Variants in ABCB4 observed in about 807,000 individuals in gnomAD.
The protein encoded by ABCB4 is ATP binding cassette subfamily B member 4.
In ABCB4, 76 loss-of-function variants were observed where a neutral mutation model predicts 145.7. That is an observed-to-expected ratio of 0.52 (90% CI 0.43 to 0.63). The LOEUF is 0.63. ABCB4 is among the 30% of genes least tolerant of loss of function. The pLI is 0.00. For synonymous variants in ABCB4, 517 were observed against 566.8 expected (o/e 0.91, Z 1.25); for missense variants, 1,234 against 1,553.1 (o/e 0.79, Z 3.45).
rs183292074 is a variant in ABCB4 at position 87,449,953 on chromosome 7, A to C, written c.833+15T>G. 4.9e-5 allele frequency: 79 copies of C among 1,614,000 alleles called. No individual in the cohort carries two copies. The highest frequency in any genetic ancestry group is 2.5e-6 in the Non-Finnish European group (3 of 1,179,994). On this transcript the variant is annotated intron_variant, in intron 8 of 27. Transcript: ENST00000649586. ...AACACATTCCTTAAACCAGTGGCTAAAGAACCTTCCTGACCTTTCCAGCTC... is the reference window on the plus strand; with the variant it reads ...AACACATTCCTTAAACCAGTGGCTACAGAACCTTCCTGACCTTTCCAGCTC...
chr7:87,465,506 C>A (rs1012598204), intron 3 of ABCB4, among the ~76,000 whole-genome samples: 7 of 152,312 alleles, frequency 4.6e-5, no homozygotes, highest in African/African-American at 1.7e-4. Flanking sequence ...GCAGCAGAAA[C>A]CTCTGCAGAC....
intron 6 of ABCB4, chr7:87,452,456 A>G (rs1375802098): frequency 6.4e-6 from 1 of 157,360 alleles, no homozygotes; most frequent in African/African-American, 2.6e-5. Flanking sequence ...TTTATCATCT[A>G]TCTCCCTCTA....
intron 3 of ABCB4, among the ~76,000 whole-genome samples, chr7:87,469,727 AC>A (rs1813223481): frequency 6.6e-6 from 1 of 152,220 alleles, no homozygotes; most frequent in African/African-American, 2.4e-5. Context: ...GAGGACACAA[AC>A]AAATGGAAGA....
At chr7:87,412,127 G>T in intron 22 of ABCB4, 94 bp from the exon 23 acceptor site, 1 of 1,400,848 alleles carries the variant, frequency 7.1e-7, no homozygotes, top group Non-Finnish European at 1.0e-6. Context: ...TGGCCGAGTG[G>T]GTTTAAGTTC....
At chr7:87,442,129 A>G (rs1006093601) in intron 12 of ABCB4, among the ~76,000 whole-genome samples, 4 of 152,098 alleles carry the variant, frequency 2.6e-5, no homozygotes, top group African/African-American at 9.7e-5. Context: ...TTCAATAATA[A>G]TTTAATTCTC....
At chr7:87,416,874 T>C (rs1809010647) in intron 21 of ABCB4, among the ~76,000 whole-genome samples, 1 of 152,358 alleles carries the variant, frequency 6.6e-6, no homozygotes, top group South Asian at 2.1e-4. Flanking sequence ...ATTGAGGCAT[T>C]ACTGCCATCT....
chr7:87,382,336 C>G, the ABCB4 span: 134 of 1,478,020 alleles, frequency 9.1e-5, 1 homozygote, highest in South Asian at 8.6e-4. Flanking sequence ...TACTTTAATG[C>G]AGGTGATAAT....
chr7:87,464,418 A>G (rs528699810), intron 3 of ABCB4, among the ~76,000 whole-genome samples: 90 of 152,316 alleles, frequency 5.9e-4, no homozygotes, highest in Middle Eastern at 3.4e-3. Context: ...AATTGTCACA[A>G]AGGGACCAGT....
At chr7:87,437,974 T>C (rs1199899925) in intron 14 of ABCB4, among the ~76,000 whole-genome samples, 1 of 152,220 alleles carries the variant, frequency 6.6e-6, no homozygotes, top group African/African-American at 2.4e-5. Flanking sequence ...TCCAAATACG[T>C]ACTAAAACTT....
At chr7:87,451,943 C>A in intron 6 of ABCB4, 149 bp from the exon 7 acceptor site, 1 of 730,176 alleles carries the variant, frequency 1.4e-6, no homozygotes, top group Non-Finnish European at 2.4e-6. Context: ...ACATCTTCCC[C>A]ACCTAAACAC....
chr7:87,410,765 G>A (rs970006613), intron 23 of ABCB4, among the ~76,000 whole-genome samples: 16 of 152,118 alleles, frequency 1.1e-4, no homozygotes, highest in Admixed American at 5.2e-4. Flanking sequence ...TTGTCCTCTG[G>A]TTTCATAGGA....
At chr7:87,368,177 A>C in the ABCB4 span, among the ~76,000 whole-genome samples, 1 of 152,112 alleles carries the variant, frequency 6.6e-6, no homozygotes, top group Non-Finnish European at 1.5e-5. Flanking sequence ...CTCTGCCTGA[A>C]ACACTTCTGC....
At chr7:87,430,020 A>C (rs1158101287) in intron 15 of ABCB4, among the ~76,000 whole-genome samples, 1 of 152,016 alleles carries the variant, frequency 6.6e-6, no homozygotes, top group Non-Finnish European at 1.5e-5. Context: ...AAGTATTCAG[A>C]TGTTTATTTT....
Position 87,417,183 on chromosome 7 carries a change from T to C in ABCB4, c.2682+129A>G, listed in dbSNP as rs542954006. 5.0e-4 allele frequency: 423 copies of C among 841,940 alleles called. 8 individuals carry two copies. In the South Asian group the frequency reaches 6.3e-3, roughly 12 times the overall value. 52.2% of individuals were successfully genotyped at this position (841,940 alleles called of 1,614,324 possible). ...ATACAGTAAAATATTTCATACACAA[T>C]TGACAATTATTAGTTGTAGTGGGCA... is the stretch of plus-strand genomic sequence containing the variant. On this transcript the variant is annotated intron_variant, in intron 21 of 27. Transcript: ENST00000649586.
intron 12 of ABCB4, 95 bp downstream of exon 12, chr7:87,443,224 G>T: frequency 6.6e-7 from 1 of 1,525,772 alleles, no homozygotes; most frequent in Non-Finnish European, 9.1e-7. Flanking sequence ...TACCAAAACT[G>T]GATTCACACG....
intron 7 of ABCB4, among the ~76,000 whole-genome samples, chr7:87,450,854 G>A (rs45510394): frequency 1.3e-4 from 20 of 152,258 alleles, no homozygotes; most frequent in Admixed American, 1.0e-3. Flanking sequence ...AAACAAAAGA[G>A]ATACAGGTAG....
At chr7:87,402,832 C>T (rs1240402811) in intron 27 of ABCB4, among the ~76,000 whole-genome samples, 4 of 152,204 alleles carry the variant, frequency 2.6e-5, no homozygotes, top group African/African-American at 9.6e-5. Flanking sequence ...AACCCTGTCT[C>T]TACTAAAAAT....
At chr7:87,390,310 A>C in the ABCB4 span, among the ~76,000 whole-genome samples, 3 of 152,094 alleles carry the variant, frequency 2.0e-5, no homozygotes, top group East Asian at 5.8e-4. Context: ...TACTCCCTGA[A>C]TTTTTTACCT....
At chr7:87,400,202 C>T (rs1307823654), downstream of ABCB4, among the ~76,000 whole-genome samples, 1 of 152,032 alleles carries the variant, frequency 6.6e-6, no homozygotes, top group African/African-American at 2.4e-5. Flanking sequence ...CAAGAGAAGT[C>T]CAGATTCAAG....
Sources: gnomAD v4.1 joint callset for allele counts (sites outside exome capture counted in the v4.1 genomes callset) on GRCh38, gnomAD v4.1.1 for gene constraint, MANE v1.5 for transcripts, NCBI Gene and HGNC (gene_info 2026-07-23, HGNC 2026-07-21) for gene names.